The following GRID1 variants were observed in gnomAD, a reference collection of about 807,000 sequenced individuals.
The protein encoded by GRID1 is glutamate receptor ionotropic, delta-1.
In GRID1, 28 loss-of-function variants were observed where a neutral mutation model predicts 98.0. That is an observed-to-expected ratio of 0.29 (90% confidence interval 0.21 to 0.39). GRID1 has a LOEUF of 0.39. Ranked by LOEUF, GRID1 falls within the 10% of genes least tolerant of loss-of-function variation. GRID1 has a pLI of 1.00. For missense variants in GRID1, 1,111 were observed against 1,340.5 expected, an observed-to-expected ratio of 0.83 and a Z score of 2.67; for synonymous variants, 553 against 538.5, an observed-to-expected ratio of 1.03 and a Z score of -0.37.
chr10:85,809,760 G>C (rs964440948), intron 8 of GRID1, among the ~76,000 whole-genome samples: 2 of 152,120 alleles, frequency 1.3e-5, no homozygotes, highest in Non-Finnish European at 2.9e-5. Flanking sequence ...GGGGAGCAAG[G>C]CACCCTCCCT....
At chr10:86,077,483 C>A (rs1191424317) in intron 4 of GRID1, among the ~76,000 whole-genome samples, 1 of 152,218 alleles carries the variant, frequency 6.6e-6, no homozygotes, top group Non-Finnish European at 1.5e-5. Context: ...CCACTTTGAG[C>A]TCGGTCCCAC....
At chr10:85,702,002 CA>C (rs1157075074) in intron 12 of GRID1, among the ~76,000 whole-genome samples, 1 of 151,862 alleles carries the variant, frequency 6.6e-6, no homozygotes, top group East Asian at 1.9e-4. Context: ...TAGAAAACAA[CA>C]ACAATATGGA....
intron 4 of GRID1, among the ~76,000 whole-genome samples, chr10:86,015,294 T>C (rs1397459406): frequency 6.6e-6 from 1 of 152,218 alleles, no homozygotes; most frequent in Admixed American, 6.5e-5. Flanking sequence ...GTCGTGAACA[T>C]TTGGCTTTCC....
intron 12 of GRID1, among the ~76,000 whole-genome samples, chr10:85,659,629 A>C (rs960530192): frequency 1.3e-5 from 2 of 152,226 alleles, no homozygotes; most frequent in African/African-American, 4.8e-5. Flanking sequence ...TGAAGCTATA[A>C]GATGCTAGCC....
intron 13 of GRID1, among the ~76,000 whole-genome samples, chr10:85,620,637 G>C (rs1440458864): frequency 6.6e-6 from 1 of 152,102 alleles, no homozygotes; most frequent in Non-Finnish European, 1.5e-5. Context: ...TTAGGGACAG[G>C]GCTTGACTGT....
At chr10:86,070,426 C>G (rs1233200485) in intron 4 of GRID1, among the ~76,000 whole-genome samples, 1 of 152,190 alleles carries the variant, frequency 6.6e-6, no homozygotes, top group South Asian at 2.1e-4. Flanking sequence ...TTCTTCCTGG[C>G]ATAAATTAAG....
intron 12 of GRID1, among the ~76,000 whole-genome samples, chr10:85,684,218 G>A (rs963404258): frequency 7.2e-5 from 11 of 152,260 alleles, no homozygotes; most frequent in Admixed American, 5.9e-4. Context: ...CCACAAAATA[G>A]CTTAGACTAA....
chr10:86,139,086 G>C, intron 3 of GRID1, 62 bp from the exon 4 acceptor site: 1 of 1,195,898 alleles, frequency 8.4e-7, no homozygotes, highest in East Asian at 2.3e-5. Flanking sequence ...GCACCCGGGA[G>C]GGTGTCTAAC....
intron 4 of GRID1, among the ~76,000 whole-genome samples, chr10:85,962,284 G>C (rs1203015690): frequency 1.3e-5 from 2 of 152,102 alleles, no homozygotes; most frequent in East Asian, 3.9e-4. Context: ...AAGTTGCTTA[G>C]CATCTGGTGA....
At chr10:86,137,039 C>G (rs960413353) in intron 4 of GRID1, among the ~76,000 whole-genome samples, 1 of 152,074 alleles carries the variant, frequency 6.6e-6, no homozygotes, top group African/African-American at 2.4e-5. Flanking sequence ...CCATCACACC[C>G]AGCAATGCAA....
At chr10:85,758,454 T>C (rs1842118935) in intron 8 of GRID1, among the ~76,000 whole-genome samples, 1 of 152,136 alleles carries the variant, frequency 6.6e-6, no homozygotes, top group African/African-American at 2.4e-5. Context: ...CAGAGGGTAA[T>C]TGTTGAGGCC....
At chr10:86,220,320 C>T (rs994611680) in intron 2 of GRID1, among the ~76,000 whole-genome samples, 1 of 152,116 alleles carries the variant, frequency 6.6e-6, no homozygotes, top group Non-Finnish European at 1.5e-5. Context: ...GTTCTGGCAC[C>T]GAACTACCCG....
At chr10:85,712,860 T>C (rs1564567565) in intron 12 of GRID1, among the ~76,000 whole-genome samples, 1 of 151,532 alleles carries the variant, frequency 6.6e-6, no homozygotes, top group African/African-American at 2.4e-5. Flanking sequence ...CTAAAAAAAA[T>C]TCTTGAGGCA....
intron 4 of GRID1, among the ~76,000 whole-genome samples, chr10:86,007,466 T>A (rs1842874401): frequency 6.6e-6 from 1 of 152,162 alleles, no homozygotes; most frequent in Non-Finnish European, 1.5e-5. Flanking sequence ...TGCAGGAGAA[T>A]GGATGGGCTG....
chr10:85,753,703 T>C (rs1328366184), intron 8 of GRID1, among the ~76,000 whole-genome samples: 1 of 152,244 alleles, frequency 6.6e-6, no homozygotes, highest in African/African-American at 2.4e-5. Flanking sequence ...TATGTCCTGA[T>C]AGGTGTAGGG....
At chr10:85,927,137 C>T (rs1438190010) in intron 4 of GRID1, among the ~76,000 whole-genome samples, 4 of 152,180 alleles carry the variant, frequency 2.6e-5, no homozygotes. Context: ...AGTGTGTGGG[C>T]AAGCTGACCA....
At chr10:86,268,721 T>C (rs529023728) in intron 2 of GRID1, among the ~76,000 whole-genome samples, 1 of 152,076 alleles carries the variant, frequency 6.6e-6, no homozygotes, top group South Asian at 2.1e-4. Context: ...CCGGGCGCAG[T>C]GGCTCACACC....
rs113850710 is a variant in GRID1 at position 85,703,609 on chromosome 10, A to G, written c.1997+19394T>C. ...ATATATAGTTTCACTGTTAATTCTG[A>G]AAGAGAAATGGAGTTGCATGTATTT... On this transcript the variant is annotated intron_variant, in intron 12 of 15. Transcript: ENST00000327946. 2.7e-3 allele frequency among the ~76,000 whole-genome samples: 404 copies of G among 152,136 alleles called. 3 individuals carry two copies. Among genetic ancestry groups the G allele is most frequent in the African/African-American group, 8.9e-3 (369 of 41,536 alleles).
chr10:86,067,001 T>A (rs1214822257), intron 4 of GRID1, among the ~76,000 whole-genome samples: 1 of 152,182 alleles, frequency 6.6e-6, no homozygotes, highest in Non-Finnish European at 1.5e-5. Flanking sequence ...GACTCACCTA[T>A]CAATCACCCC....
Sources: gnomAD v4.1 joint callset for allele counts (sites outside exome capture counted in the v4.1 genomes callset) on GRCh38, gnomAD v4.1.1 for gene constraint, MANE v1.5 for transcripts, NCBI Gene and HGNC (gene_info 2026-07-23, HGNC 2026-07-21) for gene names.